EVC: variants seen among roughly 807,000 people sequenced by gnomAD.
EVC encodes the protein EvC ciliary complex subunit 1, also known as evC complex member EVC.
EVC carries 116 observed loss-of-function variants against 118.9 expected under a neutral mutation model. That is an observed-to-expected ratio of 0.98 (90% CI 0.84 to 1.14). The LOEUF (loss-of-function observed/expected upper bound fraction) is 1.14. EVC is among the 50% of genes most tolerant of loss of function. The pLI, the probability that EVC is intolerant of heterozygous loss-of-function variation, is 0.00. For synonymous variants in EVC, 619 were observed against 534.7 expected (o/e 1.16, Z -2.18); for missense variants, 1,401 against 1,246.4 (o/e 1.12, Z -1.87).
intron 1 of EVC, among the ~76,000 whole-genome samples, chr4:5,712,918 C>A (rs942758091): frequency 5.9e-5 from 9 of 152,228 alleles, no homozygotes; most frequent in Non-Finnish European, 1.2e-4. Context: ...GGTGGAGGAA[C>A]TGCCATTATC....
the EVC span, chr4:5,827,956 G>C: frequency 1.2e-6 from 1 of 820,146 alleles, no homozygotes; most frequent in Non-Finnish European, 1.5e-6. Flanking sequence ...TCAGTGCTAA[G>C]GTTGTTCAAG....
At chr4:5,808,130 T>G in intron 17 of EVC, 71 bp from the exon 18 acceptor site, 1 of 314,872 alleles carries the variant, frequency 3.2e-6, no homozygotes, top group Non-Finnish European at 5.8e-6. Context: ...CTGCCTTCCT[T>G]CTCCCTCCCT....
At chr4:5,810,200 C>T in intron 19 of EVC, 139 bp from the exon 20 acceptor site, 3 of 730,894 alleles carry the variant, frequency 4.1e-6, no homozygotes, top group South Asian at 1.5e-5. Flanking sequence ...TGAGTGGCTG[C>T]AATAGCATAA....
intron 11 of EVC, among the ~76,000 whole-genome samples, chr4:5,780,613 C>T (rs76451287): frequency 0.021 from 3,168 of 152,298 alleles, 95 homozygotes; most frequent in African/African-American, 0.065. Flanking sequence ...CTGCCAGGCC[C>T]TGCAAATGCA....
intron 11 of EVC, among the ~76,000 whole-genome samples, chr4:5,768,450 A>C (rs1440140544): frequency 6.6e-6 from 1 of 151,994 alleles, no homozygotes; most frequent in Non-Finnish European, 1.5e-5. Context: ...TCAATATCCC[A>C]CCTCCTCTAT....
intron 11 of EVC, among the ~76,000 whole-genome samples, chr4:5,773,729 G>A (rs1734323673): frequency 6.6e-6 from 1 of 152,036 alleles, no homozygotes; most frequent in African/African-American, 2.4e-5. Flanking sequence ...TCTGGTGGAT[G>A]GCCCAGTACT....
At chr4:5,762,989 C>G (rs1256446057) in intron 11 of EVC, among the ~76,000 whole-genome samples, 1 of 104,728 alleles carries the variant, frequency 9.5e-6, no homozygotes, top group African/African-American at 3.8e-5. Context: ...TGCCTATCTC[C>G]TGAATGGTAA....
In EVC at chr4:5,798,537, C is replaced by T. The variant is rs530076583; in HGVS notation, c.2098-49C>T. ...CACATCCCAGTCCTGGCCAGAGCTT[C>T]TCTGTGAGAGGAGCACTTGGCCCCT... On this transcript the variant is annotated intron_variant, in intron 14 of 20. Coordinates refer to ENST00000264956, the MANE Select transcript of EVC (RefSeq NM_153717.3). The surrounding 1 kb of genome is among the most constrained non-coding windows in gnomAD (Gnocchi z 4.1). 2 of 1,538,182 alleles carry T rather than the reference C, an allele frequency of 1.3e-6. No homozygotes were observed. Among genetic ancestry groups the T allele is most frequent in the East Asian group, 4.9e-5 (2 of 40,884 alleles).
intron 6 of EVC, among the ~76,000 whole-genome samples, chr4:5,744,192 T>A (rs1036486400): frequency 1.3e-5 from 2 of 152,196 alleles, no homozygotes; most frequent in Non-Finnish European, 2.9e-5. Flanking sequence ...AGCCTGGCAC[T>A]GCCCCTTCCT....
In EVC at chr4:5,804,737, G is replaced by T; in HGVS notation, c.2457G>T (p.Arg819Ser). Reference protein sequence around the residue: ...LQHLKTLQGERMENYKLRKKQ... With the variant: ...LQHLKTLQGESMENYKLRKKQ... ...CTGTGTTAAATGGTCTAGGTGAGAG[G>T]ATGGAAAATTACAAACTGCGGAAAA... is the stretch of plus-strand genomic sequence containing the variant. The change falls in exon 17 of 21, where the codon AGG (arginine) becomes AGT (serine). Residue 819 changes from arginine (R) to serine (S), a missense_variant. Transcript: ENST00000264956. The T allele has an allele frequency of 2.5e-6, 4 of 1,614,126 alleles. No individual in the cohort carries two copies. The highest frequency in any genetic ancestry group is 2.5e-6 in the Non-Finnish European group (3 of 1,180,000).
chr4:5,785,256 G>T (rs114827189), intron 12 of EVC, among the ~76,000 whole-genome samples: 624 of 152,294 alleles, frequency 4.1e-3, no homozygotes, highest in African/African-American at 0.014. Flanking sequence ...CGTGAGCCTG[G>T]TGGGCTCCAG....
intron 11 of EVC, among the ~76,000 whole-genome samples, chr4:5,771,600 G>C (rs1365799851): frequency 6.6e-6 from 1 of 152,198 alleles, no homozygotes; most frequent in Non-Finnish European, 1.5e-5. Context: ...TCCAAAGAGA[G>C]AAATAAATTT....
At chr4:5,787,170 G>A (rs1711818572) in intron 12 of EVC, among the ~76,000 whole-genome samples, 1 of 152,196 alleles carries the variant, frequency 6.6e-6, no homozygotes, top group Non-Finnish European at 1.5e-5. Context: ...GTAGAATGGT[G>A]TTTCTCAAAA....
At position 5,754,239 on chromosome 4, in the gene EVC, G is replaced by A. The variant is rs889108853; in HGVS notation, c.1464+306G>A. Among the ~76,000 whole-genome samples, 13 of 152,192 alleles carry A rather than the reference G, an allele frequency of 8.5e-5. No homozygotes were observed. Among genetic ancestry groups the A allele is most frequent in the African/African-American group, 1.4e-4 (6 of 41,440 alleles). ...GGAGCACACAGATGGTGGCAATGGCGTGAAGGGAGCAATGTGTGGCCCAGA... is the reference window on the plus strand; with the variant it reads ...GGAGCACACAGATGGTGGCAATGGCATGAAGGGAGCAATGTGTGGCCCAGA... On this transcript the variant is annotated intron_variant, in intron 10 of 20. Coordinates refer to ENST00000264956, the MANE Select transcript of EVC (RefSeq NM_153717.3). The surrounding 1 kb of genome is among the most constrained non-coding windows in gnomAD (Gnocchi z 5.8).
rs1036703453 is a variant in EVC at position 5,753,776 on chromosome 4, C to T, written c.1316-9C>T. On this transcript the variant is annotated splice_polypyrimidine_tract_variant and intron_variant, in intron 9 of 20. Transcript: ENST00000264956. ...TCACCTCCTATGCTGTGGCTTTTTT[C>T]AATCCCAGAGTTTGTCCAGCGAGGC... The T allele has an allele frequency of 1.9e-6, 3 of 1,613,908 alleles. No individual in the cohort carries two copies. Among genetic ancestry groups the T allele is most frequent in the East Asian group, 2.2e-5 (1 of 44,868 alleles).
chr4:5,750,015 A>T (rs1322807215), intron 8 of EVC, among the ~76,000 whole-genome samples: 1 of 151,880 alleles, frequency 6.6e-6, no homozygotes, highest in Non-Finnish European at 1.5e-5. Context: ...TTGTTTGAGA[A>T]CTTCATGTGC....
At chr4:5,758,047 G>T in intron 11 of EVC, 1 of 702,234 alleles carries the variant, frequency 1.4e-6, no homozygotes, top group Admixed American at 2.0e-5. Flanking sequence ...GGATTCGGGT[G>T]GGCCCTAATT....
At chr4:5,790,276 G>C (rs1448756071) in intron 12 of EVC, among the ~76,000 whole-genome samples, 1 of 151,758 alleles carries the variant, frequency 6.6e-6, no homozygotes, top group Non-Finnish European at 1.5e-5. Flanking sequence ...CTCCTTACAA[G>C]AGGAATCAGA....
intron 12 of EVC, among the ~76,000 whole-genome samples, chr4:5,790,805 G>C (rs1264943180): frequency 1.3e-5 from 2 of 152,126 alleles, no homozygotes; most frequent in Non-Finnish European, 2.9e-5. Context: ...GAAAATTATA[G>C]TAATGAGGCT....
Sources: allele counts gnomAD v4.1 joint callset (sites outside exome capture counted in the v4.1 genomes callset), GRCh38; gene constraint gnomAD v4.1.1; non-coding constraint Gnocchi (gnomAD v3.1); transcripts MANE v1.5; gene names NCBI Gene and HGNC (gene_info 2026-07-23, HGNC 2026-07-21).